AP1AR: variants seen among roughly 807,000 people sequenced by gnomAD.
The protein encoded by AP1AR is AP-1 complex-associated regulatory protein.
In AP1AR, 29 loss-of-function variants were observed where a neutral mutation model predicts 46.3. The observed-to-expected ratio is 0.63, with a 90% confidence interval of 0.47 to 0.85. The LOEUF is 0.85. AP1AR is among the 40% of genes least tolerant of loss of function. The pLI is 0.00. For missense variants in AP1AR, 357 were observed against 356.3 expected (o/e 1.00, Z -0.02); for synonymous variants, 122 against 122.9 (o/e 0.99, Z 0.05).
rs760681851 is a variant in AP1AR, at chr4:112,260,826, A to G, written c.246A>G (p.Glu82=). 5 of 1,606,678 alleles carry G rather than the reference A, an allele frequency of 3.1e-6. No homozygotes were observed. In the African/African-American group the frequency reaches 6.7e-5, roughly 22 times the overall value. The change falls in exon 5 of 10, where the codon GAA becomes GAG. Residue 82 remains glutamate (E), a synonymous_variant. Transcript: ENST00000274000. ...LRERHYDSIA[E]KQKDLDKKIQ... ...AAAGGCATTATGATTCCATTGCCGA[A>G]AAACAAAAAGATCTTGATAAGAAAA...
Position 112,269,561 on chromosome 4 carries a change from C to T in AP1AR, c.*1152C>T, listed in dbSNP as rs146719348. The T allele has an allele frequency of 2.9e-3, 440 of 151,578 alleles. No homozygotes were observed. The highest frequency in any genetic ancestry group is 9.7e-3 in the African/African-American group (400 of 41,308). The allele number at this position is 151,578 out of a possible 1,614,324, so 9.4% of individuals were successfully genotyped here. A position where few individuals can be genotyped will look rare whatever the true frequency, so the allele number is the denominator to read the frequency against. ...TAAGCAAACTGTTTTTTGGTTTTTC[C>T]TTAATGTTTTTAATTTTTTTTCCTC... On this transcript the variant is annotated 3_prime_UTR_variant, in exon 10 of 10. Coordinates refer to ENST00000274000, the MANE Select transcript of AP1AR (RefSeq NM_018569.6).
chr4:112,252,807 G>C (rs905850272), intron 1 of AP1AR, among the ~76,000 whole-genome samples: 1 of 152,056 alleles, frequency 6.6e-6, no homozygotes, highest in African/African-American at 2.4e-5. Context: ...TTAATGTTCT[G>C]TGTATTTTTA....
intron 1 of AP1AR, among the ~76,000 whole-genome samples, chr4:112,240,247 A>G (rs769488414): frequency 3.3e-5 from 5 of 151,802 alleles, no homozygotes; most frequent in Admixed American, 6.6e-5. Flanking sequence ...CCTTGAATCT[A>G]TTTCTTTCCT....
intron 1 of AP1AR, among the ~76,000 whole-genome samples, chr4:112,245,954 C>G (rs1245154533): frequency 6.6e-6 from 1 of 152,078 alleles, no homozygotes; most frequent in Non-Finnish European, 1.5e-5. Flanking sequence ...ATCTTTCCTT[C>G]TAAGACTCAA....
intron 1 of AP1AR, among the ~76,000 whole-genome samples, chr4:112,241,891 GA>G (rs533186583): frequency 2.0e-4 from 29 of 148,030 alleles, no homozygotes; most frequent in South Asian, 4.3e-4. Context: ...CCAGTCTTCT[GA>G]AAAAAAAAAT....
chr4:112,253,678 TATTC>T (rs1726059987), intron 2 of AP1AR, among the ~76,000 whole-genome samples: 1 of 152,232 alleles, frequency 6.6e-6, no homozygotes, highest in Non-Finnish European at 1.5e-5. Flanking sequence ...AACTACCATT[TATTC>T]CTTACCTACT....
intron 1 of AP1AR, among the ~76,000 whole-genome samples, chr4:112,249,918 C>A (rs2110477327): frequency 6.6e-6 from 1 of 152,274 alleles, no homozygotes; most frequent in African/African-American, 2.4e-5. Flanking sequence ...TCATCTGATG[C>A]ATTTATCTAT....
intron 1 of AP1AR, among the ~76,000 whole-genome samples, chr4:112,236,797 A>G (rs1725261222): frequency 6.6e-6 from 1 of 152,166 alleles, no homozygotes; most frequent in African/African-American, 2.4e-5. Flanking sequence ...TCAGGATGAT[A>G]TTTAGTTCTA....
rs916495903 is a variant in AP1AR at position 112,271,458 on chromosome 4, A to G, written c.*3049A>G. 2.0e-5 allele frequency among the ~76,000 whole-genome samples: 3 copies of G among 152,234 alleles called. No individual in the cohort carries two copies. Among genetic ancestry groups the G allele is most frequent in the African/African-American group, 7.2e-5 (3 of 41,464 alleles). On this transcript the variant is annotated 3_prime_UTR_variant, in exon 10 of 10. Transcript: ENST00000274000. ...TTGTCCCCTTGGTTCAGTGTCATCC[A>G]GGGATGTCCCTAAGGACCAGGTATA... is the stretch of plus-strand genomic sequence containing the variant.
At chr4:112,237,529 C>T (rs1725306393) in intron 1 of AP1AR, among the ~76,000 whole-genome samples, 1 of 152,072 alleles carries the variant, frequency 6.6e-6, no homozygotes, top group Non-Finnish European at 1.5e-5. Flanking sequence ...GTGATCTAGG[C>T]TTATTAAAAC....
intron 1 of AP1AR, among the ~76,000 whole-genome samples, 169 bp downstream of exon 1, chr4:112,232,343 G>C (rs569642009): frequency 1.3e-5 from 2 of 152,218 alleles, no homozygotes; most frequent in Non-Finnish European, 2.9e-5. Flanking sequence ...CCCAGTCTGG[G>C]GTCCGGTCTT....
intron 8 of AP1AR, 113 bp from the exon 9 acceptor site, chr4:112,266,475 A>G: frequency 9.9e-7 from 1 of 1,014,308 alleles, no homozygotes; most frequent in Middle Eastern, 3.2e-4. Flanking sequence ...TTTCTTATGA[A>G]GCTAAAAGTA....
intron 5 of AP1AR, among the ~76,000 whole-genome samples, chr4:112,262,140 C>T (rs1726477283): frequency 6.6e-6 from 1 of 152,018 alleles, no homozygotes; most frequent in African/African-American, 2.4e-5. Context: ...TTGGCAAGAC[C>T]TCATCTCTGC....
Position 112,260,858 on chromosome 4 carries a change from A to G in AP1AR, c.278A>G (p.Lys93Arg), listed in dbSNP as rs767512942. Residue 93 changes from lysine to arginine, a missense_variant, in exon 5 of 10, where the codon AAA (lysine) becomes AGA (arginine). Lys to Arg is a conservative substitution (Grantham distance 26). This residue lies in a region of AP1AR where 269 missense variants were observed against 223.6 expected (regional missense o/e 1.20). Transcript: ENST00000274000. ...KQKDLDKKIQ[K>R]ELALQEEKLR... ...AAAGATCTTGATAAGAAAATTCAAA[A>G]AGAGGTAAATTGTCTTTTATATTGC... is the stretch of plus-strand genomic sequence containing the variant. 2.1e-5 allele frequency: 33 copies of G among 1,574,250 alleles called. No homozygotes were observed. The highest frequency in any genetic ancestry group is 2.9e-5 in the Non-Finnish European group (33 of 1,152,882).
intron 9 of AP1AR, among the ~76,000 whole-genome samples, chr4:112,267,117 T>TC (rs1006494691): frequency 6.6e-6 from 1 of 151,868 alleles, no homozygotes; most frequent in African/African-American, 2.4e-5. Context: ...TAGCTCATAT[T>TC]TTTTTCTTAT....
At chr4:112,254,870 G>T in intron 3 of AP1AR, 97 bp downstream of exon 3, 4 of 617,640 alleles carry the variant, frequency 6.5e-6, no homozygotes, top group South Asian at 4.9e-5. Flanking sequence ...TATTATTTTT[G>T]TTTTAGAATT....
At chr4:112,265,124 T>C (rs1322484805) in intron 7 of AP1AR, 57 bp downstream of exon 7, 2 of 1,349,398 alleles carry the variant, frequency 1.5e-6, no homozygotes, top group Admixed American at 4.4e-5. Flanking sequence ...TATTGCGGTG[T>C]AGAGCATCAT....
At chr4:112,233,298 A>C (rs1045072448) in intron 1 of AP1AR, among the ~76,000 whole-genome samples, 2 of 152,222 alleles carry the variant, frequency 1.3e-5, no homozygotes, top group African/African-American at 4.8e-5. Context: ...CAAAATAGCT[A>C]AGGTTTTACA....
intron 8 of AP1AR, among the ~76,000 whole-genome samples, 183 bp from the exon 9 acceptor site, chr4:112,266,405 G>A (rs533625124): frequency 6.6e-6 from 1 of 151,592 alleles, no homozygotes; most frequent in Non-Finnish European, 1.5e-5. Flanking sequence ...AAAAAAGAGA[G>A]AAAAGTTTCT....
Sources: allele counts gnomAD v4.1 joint callset (sites outside exome capture counted in the v4.1 genomes callset), GRCh38; gene constraint gnomAD v4.1.1; regional missense constraint gnomAD v4.1.1; transcripts MANE v1.5; gene names NCBI Gene and HGNC (gene_info 2026-07-23, HGNC 2026-07-21).